PACSIN2: variants seen among roughly 807,000 people sequenced by gnomAD.
PACSIN2 encodes the protein protein kinase C and casein kinase substrate in neurons 2.
A neutral mutation model predicts 63.8 loss-of-function variants in PACSIN2; 25 were observed. That is an observed-to-expected ratio of 0.39 (90% CI 0.29 to 0.55). PACSIN2 has a LOEUF of 0.55. PACSIN2 is among the 20% of genes least tolerant of loss of function. PACSIN2 has a pLI of 0.62. For missense variants in PACSIN2, 518 were observed against 646.9 expected, an observed-to-expected ratio of 0.80 and a Z score of 2.16; for synonymous variants, 255 against 256.2, an observed-to-expected ratio of 1.00 and a Z score of 0.05.
chr22:42,980,034 ACTATTAAAACAAGTTT>A (rs1320738200), intron 1 of PACSIN2, among the ~76,000 whole-genome samples: 1 of 152,218 alleles, frequency 6.6e-6, no homozygotes, highest in Non-Finnish European at 1.5e-5. Context: ...TTCCATTAAA[ACTATTAAAACAAGTTT>A]CTATTAAAAC....
chr22:42,962,570 G>C (rs1021212134), intron 1 of PACSIN2, among the ~76,000 whole-genome samples: 1 of 151,876 alleles, frequency 6.6e-6, no homozygotes, highest in Non-Finnish European at 1.5e-5. Context: ...AACTGGGGGT[G>C]GGGGGTGGAG....
At chr22:42,972,419 T>C (rs1306133045) in intron 1 of PACSIN2, among the ~76,000 whole-genome samples, 1 of 152,192 alleles carries the variant, frequency 6.6e-6, no homozygotes, top group Non-Finnish European at 1.5e-5. Flanking sequence ...CTTGTTCACA[T>C]GTTTATCTGC....
At chr22:43,010,398 A>ATATTT in intron 1 of PACSIN2, among the ~76,000 whole-genome samples, 4 of 126,406 alleles carry the variant, frequency 3.2e-5, no homozygotes, top group East Asian at 2.1e-4. Flanking sequence ...ATATATATAT[A>ATATTT]TTTTTTTTTA....
intron 1 of PACSIN2, among the ~76,000 whole-genome samples, chr22:42,935,989 G>A (rs1167310020): frequency 1.3e-5 from 2 of 152,128 alleles, no homozygotes; most frequent in Non-Finnish European, 2.9e-5. Flanking sequence ...CGAGGTGGGT[G>A]AATCACAAGG....
At chr22:42,970,375 A>C (rs1330957019) in intron 1 of PACSIN2, among the ~76,000 whole-genome samples, 2 of 152,258 alleles carry the variant, frequency 1.3e-5, no homozygotes, top group Non-Finnish European at 2.9e-5. Context: ...ATGGGATCCT[A>C]GAACTGCAAG....
intron 2 of PACSIN2, among the ~76,000 whole-genome samples, chr22:42,902,586 C>T (rs919459337): frequency 1.3e-5 from 2 of 152,106 alleles, no homozygotes; most frequent in African/African-American, 4.8e-5. Context: ...CCAAACAACT[C>T]ATGATCCTTT....
intron 2 of PACSIN2, among the ~76,000 whole-genome samples, chr22:42,910,916 T>A (rs1392144486): frequency 6.6e-6 from 1 of 151,966 alleles, no homozygotes; most frequent in Non-Finnish European, 1.5e-5. Context: ...ATAATTTTTT[T>A]TTTTTTGAGA....
chr22:42,909,279 C>T (rs1241000133), intron 2 of PACSIN2: 8 of 309,114 alleles, frequency 2.6e-5, no homozygotes, highest in Non-Finnish European at 4.5e-5. Flanking sequence ...CAGGGCCACA[C>T]AGAAGATGGC....
At chr22:43,006,328 G>T (rs1169159772) in intron 1 of PACSIN2, among the ~76,000 whole-genome samples, 2 of 152,134 alleles carry the variant, frequency 1.3e-5, no homozygotes, top group African/African-American at 4.8e-5. Context: ...TCAAGTTTTG[G>T]AGACATTGAA....
rs1287629004 is a variant in PACSIN2, at chr22:42,888,775, G to A, written c.477C>T (p.His159=). Residue 159 remains histidine (H), a synonymous_variant, in exon 5 of 11, where the codon CAC becomes CAT. Coordinates refer to ENST00000263246, the MANE Select transcript of PACSIN2 (RefSeq NM_001184970.3). Reference sequence around the variant, plus strand: ...GCTTCTCCTCTTTGCACGCTGCATGGTGGGCTTTCTTTGCTGCTTCTACCT... The same window carrying A: ...GCTTCTCCTCTTTGCACGCTGCATGATGGGCTTTCTTTGCTGCTTCTACCT... ...LKEVEAAKKA[H]HAACKEEKLA... is the part of the protein sequence containing the mutation. 2 of 1,614,164 alleles carry A rather than the reference G, an allele frequency of 1.2e-6. No homozygotes were observed. Among genetic ancestry groups the A allele is most frequent in the African/African-American group, 2.7e-5 (2 of 75,032 alleles).
chr22:42,958,243 C>T (rs113673150), intron 1 of PACSIN2, among the ~76,000 whole-genome samples: 2 of 151,932 alleles, frequency 1.3e-5, no homozygotes, highest in African/African-American at 4.8e-5. Context: ...TTGGACAAGT[C>T]GTCACCTCTG....
At position 42,981,172 on chromosome 22, in the gene PACSIN2, C is replaced by G. The variant is rs1472225686; in HGVS notation, c.-78+33849G>C. Among the ~76,000 whole-genome samples the G allele has an allele frequency of 2.3e-5, 3 of 132,350 alleles. No individual in the cohort carries two copies. The East Asian group carries it at 7.8e-4, about 34-fold the overall frequency. The allele number at this position is 132,350 out of a possible 152,430, so 86.8% of individuals were successfully genotyped here. Reference sequence around the variant, plus strand: ...GATGTGAGGAGCGCCTCTGCTGGGCCGCAACCCTGTCTGGGAGGTGAGGAG... The same window carrying G: ...GATGTGAGGAGCGCCTCTGCTGGGCGGCAACCCTGTCTGGGAGGTGAGGAG... On this transcript the variant is annotated intron_variant, in intron 1 of 10. Transcript: ENST00000263246.
chr22:42,933,614 G>A (rs756659934), intron 1 of PACSIN2, among the ~76,000 whole-genome samples: 5 of 152,102 alleles, frequency 3.3e-5, no homozygotes, highest in Admixed American at 1.3e-4. Flanking sequence ...CAACCGTGGC[G>A]CCTAAAGGGG....
intron 1 of PACSIN2, among the ~76,000 whole-genome samples, chr22:42,933,162 T>C (rs564647705): frequency 6.6e-6 from 1 of 152,240 alleles, no homozygotes; most frequent in Non-Finnish European, 1.5e-5. Flanking sequence ...AACCTTGTTA[T>C]CCCTGAAAAG....
intron 1 of PACSIN2, among the ~76,000 whole-genome samples, chr22:42,992,359 A>G (rs925231697): frequency 1.3e-5 from 2 of 152,224 alleles, no homozygotes; most frequent in African/African-American, 4.8e-5. Flanking sequence ...GTGTCTGGAC[A>G]TGTTAAACGT....
At chr22:42,879,641 T>C (rs992614244) in intron 7 of PACSIN2, among the ~76,000 whole-genome samples, 4 of 152,176 alleles carry the variant, frequency 2.6e-5, no homozygotes, top group Non-Finnish European at 1.5e-5. Context: ...CCTGAAGTGC[T>C]GAAGATCCTT....
Position 42,870,843 on chromosome 22 carries a change from G to A in PACSIN2, c.*514C>T, listed in dbSNP as rs942681504. Reference sequence around the variant, plus strand: ...AACAGGGTAAGGGAATAGGGAGATCGTTTCCTCAAGACTGGTGCGCATCAA... The same window carrying A: ...AACAGGGTAAGGGAATAGGGAGATCATTTCCTCAAGACTGGTGCGCATCAA... On this transcript the variant is annotated 3_prime_UTR_variant, in exon 11 of 11. Coordinates refer to ENST00000263246, the MANE Select transcript of PACSIN2 (RefSeq NM_001184970.3). The A allele has an allele frequency of 1.1e-4, 18 of 157,312 alleles. 1 individual carries two copies. The highest frequency in any genetic ancestry group is 6.7e-3 in the Middle Eastern group (2 of 300). The allele number at this position is 157,312 out of a possible 1,614,324, so 9.7% of individuals were successfully genotyped here.
At position 43,010,398 on chromosome 22, in the gene PACSIN2, A is replaced by ATTTTTTTT. The variant is rs1555950816; in HGVS notation, c.-78+4615_-78+4622dup. Among the ~76,000 whole-genome samples the ATTTTTTTT allele has an allele frequency of 7.7e-3, 974 of 126,388 alleles. 12 individuals are homozygous for ATTTTTTTT. The highest frequency in any genetic ancestry group is 0.028 in the East Asian group (132 of 4,758). 82.9% of individuals were successfully genotyped at this position (126,388 alleles called of 152,430 possible). ...TGTTTAAAAATACATATATATATAT[A>ATTTTTTTT]TTTTTTTTTAATTGAAAATAAAAAA... On this transcript the variant is annotated intron_variant, in intron 1 of 10. Coordinates refer to ENST00000263246, the MANE Select transcript of PACSIN2 (RefSeq NM_001184970.3).
At chr22:42,999,276 C>A (rs1246532429) in intron 1 of PACSIN2, among the ~76,000 whole-genome samples, 1 of 152,336 alleles carries the variant, frequency 6.6e-6, no homozygotes, top group Admixed American at 6.5e-5. Context: ...AGCCACACCC[C>A]TGTCCCAAGT....
Sources: gnomAD v4.1 joint callset for allele counts (sites outside exome capture counted in the v4.1 genomes callset) on GRCh38, gnomAD v4.1.1 for gene constraint, MANE v1.5 for transcripts, NCBI Gene and HGNC (gene_info 2026-07-23, HGNC 2026-07-21) for gene names.